Variants in SEC24C observed in about 807,000 individuals in gnomAD.
SEC24C encodes the protein protein transport protein Sec24C.
A neutral mutation model predicts 117.0 loss-of-function variants in SEC24C; 22 were observed. The ratio of observed to expected loss-of-function variants is 0.19; its 90% confidence interval spans 0.13 to 0.27. SEC24C has a LOEUF of 0.27. Ranked by LOEUF, SEC24C falls within the 10% of genes least tolerant of loss-of-function variation. The pLI, the probability that SEC24C is intolerant of heterozygous loss-of-function variation, is 1.00. For synonymous variants in SEC24C, 506 were observed against 529.4 expected, an observed-to-expected ratio of 0.96 and a Z score of 0.61; for missense variants, 1,155 against 1,375.1, an observed-to-expected ratio of 0.84 and a Z score of 2.53.
At chr10:73,768,354 G>A (rs887755885) in intron 15 of SEC24C, among the ~76,000 whole-genome samples, 3 of 152,212 alleles carry the variant, frequency 2.0e-5, no homozygotes, top group African/African-American at 7.2e-5. Context: ...TCCAGCCAGA[G>A]CGACAGAGTA....
chr10:73,761,979 G>T, intron 6 of SEC24C: 1 of 582,130 alleles, frequency 1.7e-6, no homozygotes, highest in East Asian at 6.8e-5. Flanking sequence ...AGCAATATGA[G>T]CTGGGCTCCA....
chr10:73,745,526 C>G (rs2082533444), intron 1 of SEC24C, among the ~76,000 whole-genome samples: 2 of 149,480 alleles, frequency 1.3e-5, no homozygotes, highest in Non-Finnish European at 3.0e-5. Flanking sequence ...AATCTGTTAC[C>G]TTGCTAGAGT....
rs2082980741 is a variant in SEC24C, at chr10:73,771,416, G to C, written c.*321G>C. 2 of 287,670 alleles carry C rather than the reference G, an allele frequency of 7.0e-6. No individual in the cohort carries two copies. The highest frequency in any genetic ancestry group is 1.3e-5 in the Non-Finnish European group (2 of 150,298). 17.8% of individuals were successfully genotyped at this position (287,670 alleles called of 1,614,324 possible). The stretch of plus-strand genomic sequence containing the variant: ...CACCCAGACCCTGGCAATATTATGT[G>C]TCCCTTTGGACCAGTCTCCCAAGAG... On this transcript the variant is annotated 3_prime_UTR_variant, in exon 23 of 23. Transcript: ENST00000345254.
At position 73,746,862 on chromosome 10, in the gene SEC24C, G is replaced by A. The variant is rs2082561568; in HGVS notation, c.30G>A (p.Val10=). The change falls in exon 2 of 23, where the codon GTG becomes GTA. Residue 10 remains valine, a synonymous_variant. Coordinates refer to ENST00000345254, the MANE Select transcript of SEC24C (RefSeq NM_198597.3). The stretch of plus-strand genomic sequence containing the variant: ...ACGTCAACCAGTCAGTTCCACCTGT[G>A]CCACCATTTGGGCAGCCCCAGCCCA... MNVNQSVPP[V]PPFGQPQPIY... 2.5e-6 allele frequency: 4 copies of A among 1,611,904 alleles called. No individual in the cohort carries two copies. The East Asian group carries it at 8.9e-5, about 36-fold the overall frequency.
intron 20 of SEC24C, 55 bp downstream of exon 20, chr10:73,770,070 A>G (rs1316606710): frequency 1.3e-6 from 2 of 1,521,236 alleles, no homozygotes; most frequent in Admixed American, 1.7e-5. Context: ...GCCTCTTAGG[A>G]GGAGGAAAGG....
At chr10:73,747,150 C>A in intron 2 of SEC24C, 146 bp downstream of exon 2, 1 of 613,828 alleles carries the variant, frequency 1.6e-6, no homozygotes, top group Non-Finnish European at 2.5e-6. Flanking sequence ...TAGCTGAGAG[C>A]CCCGTGGGCG....
chr10:73,747,387 C>CAAAA (rs2082572253), intron 2 of SEC24C, among the ~76,000 whole-genome samples: 1 of 151,948 alleles, frequency 6.6e-6, no homozygotes. Context: ...GATAGAGTCT[C>CAAAA]TCTCTGTCGC....
In SEC24C at chr10:73,769,926, A is replaced by T; in HGVS notation, c.2773A>T (p.Thr925Ser). The T allele has an allele frequency of 6.2e-7, 1 of 1,614,160 alleles. No homozygotes were observed. The highest frequency in any genetic ancestry group is 1.1e-5 in the South Asian group (1 of 91,084). Residue 925 changes from threonine to serine, a missense_variant, in exon 20 of 23, where the codon ACT becomes TCT. Coordinates refer to ENST00000345254, the MANE Select transcript of SEC24C (RefSeq NM_198597.3). The surrounding 1 kb of genome is among the most constrained non-coding windows in gnomAD (Gnocchi z 4.5). Reference protein sequence around the residue: ...DVLQPGAEVTTDDRAYVRQLV... With the variant: ...DVLQPGAEVTSDDRAYVRQLV... ...CCTGCAGCCTGGAGCTGAAGTCACT[A>T]CTGATGACCGTGCCTATGTCCGACA...
intron 8 of SEC24C, 94 bp downstream of exon 8, chr10:73,764,077 G>T: frequency 6.9e-7 from 1 of 1,443,436 alleles, no homozygotes; most frequent in Non-Finnish European, 9.2e-7. Flanking sequence ...CTTCACAATG[G>T]AAGATATTTT....
rs1427846425 is a variant in SEC24C, at chr10:73,760,794, G to GGCCTCCTCAGCCACT, written c.940_954dup (p.Gln314_Pro318dup). 1.9e-6 allele frequency: 3 copies of GGCCTCCTCAGCCACT among 1,613,948 alleles called. No individual in the cohort carries two copies. Among genetic ancestry groups the GGCCTCCTCAGCCACT allele is most frequent in the African/African-American group, 1.3e-5 (1 of 74,880 alleles). On this transcript the variant is annotated inframe_insertion, in exon 6 of 23. Coordinates refer to ENST00000345254, the MANE Select transcript of SEC24C (RefSeq NM_198597.3). ...GCACCCACCTTTGGCAGTCAGCCTG[G>GGCCTCCTCAGCCACT]GCCTCCTCAGCCACTGCCTCCTAAG...
rs940205137 is a variant in SEC24C at position 73,769,310 on chromosome 10, G to A, written c.2425-37G>A. The stretch of plus-strand genomic sequence containing the variant: ...TAGTGTAGCAAAGGGCCTTTGTGAG[G>A]GAGGGGTGTGAGTTCCCCCTTTCTC... On this transcript the variant is annotated intron_variant, in intron 17 of 22. Transcript: ENST00000345254. This position sits in a 1 kb window ranked among gnomAD's most constrained non-coding sequence, Gnocchi z 4.5. 12 of 1,610,406 alleles carry A rather than the reference G, an allele frequency of 7.5e-6. No individual in the cohort carries two copies. In the East Asian group the frequency reaches 2.5e-4, roughly 33 times the overall value.
chr10:73,768,697 GTTA>G, intron 15 of SEC24C, 110 bp from the exon 16 acceptor site: 11 of 903,864 alleles, frequency 1.2e-5, no homozygotes, highest in Non-Finnish European at 1.6e-5. Context: ...CATCCTCACT[GTTA>G]TGATGATGAT....
chr10:73,748,067 T>TA lies in SEC24C; in HGVS notation c.172+1063_172+1064insA, dbSNP rs557031695. Among the ~76,000 whole-genome samples the TA allele has an allele frequency of 2.4e-3, 372 of 152,326 alleles. 1 individual carries two copies. The highest frequency in any genetic ancestry group is 0.014 in the South Asian group (67 of 4,826). On this transcript the variant is annotated intron_variant, in intron 2 of 22. Transcript: ENST00000345254. Reference sequence around the variant, plus strand: ...GCCTTGGCCTCCCAAAATGCTGGGATTACAGGCTTCAGCCACCACGCCCGG... The same window carrying TA: ...GCCTTGGCCTCCCAAAATGCTGGGATATACAGGCTTCAGCCACCACGCCCGG...
intron 14 of SEC24C, 30 bp from the exon 15 acceptor site, chr10:73,767,806 AT>A: frequency 6.4e-7 from 1 of 1,552,842 alleles, no homozygotes; most frequent in Middle Eastern, 1.7e-4. Flanking sequence ...ATATTTGAAC[AT>A]TTTCTTCTCC....
At position 73,759,634 on chromosome 10, in the gene SEC24C, T is replaced by C; in HGVS notation, c.321T>C (p.Ser107=). ...TTTCTTTTCACAGGCTGCCTGGGTC[T>C]CAGCCATTTGGGTCCCCATTGGCCC... ...STVQMQRLPG[S]QPFGSPLAPV... Residue 107 remains serine (S), a synonymous_variant, in exon 4 of 23, where the codon TCT becomes TCC. Coordinates refer to ENST00000345254, the MANE Select transcript of SEC24C (RefSeq NM_198597.3). 1 of 1,529,098 alleles carries C rather than the reference T, an allele frequency of 6.5e-7. No individual in the cohort carries two copies. Among genetic ancestry groups the C allele is most frequent in the Non-Finnish European group, 8.8e-7 (1 of 1,139,678 alleles). 94.7% of individuals were successfully genotyped at this position (1,529,098 alleles called of 1,614,324 possible).
chr10:73,765,387 C>T (rs1035914371), intron 8 of SEC24C, 64 bp from the exon 9 acceptor site: 7 of 1,569,866 alleles, frequency 4.5e-6, no homozygotes, highest in Middle Eastern at 2.1e-4. Flanking sequence ...TGTTCTTCCT[C>T]ATCTCCTGGC....
chr10:73,749,441 G>C (rs2082611024), intron 2 of SEC24C, among the ~76,000 whole-genome samples: 1 of 151,822 alleles, frequency 6.6e-6, no homozygotes, highest in South Asian at 2.1e-4. Context: ...AGTTTCCTCT[G>C]CTTCTTAGAT....
intron 3 of SEC24C, chr10:73,751,595 A>C (rs2082643562): frequency 6.5e-6 from 1 of 153,746 alleles, no homozygotes; most frequent in African/African-American, 2.4e-5. Context: ...TGATGAAAGT[A>C]GAAAGGTTAG....
At chr10:73,754,210 T>A (rs2082680068) in intron 3 of SEC24C, among the ~76,000 whole-genome samples, 1 of 151,934 alleles carries the variant, frequency 6.6e-6, no homozygotes, top group African/African-American at 2.4e-5. Flanking sequence ...AGGTAAGGAG[T>A]TTGAGACCAG....
Sources: allele counts gnomAD v4.1 joint callset (sites outside exome capture counted in the v4.1 genomes callset), GRCh38; gene constraint gnomAD v4.1.1; non-coding constraint Gnocchi (gnomAD v3.1); transcripts MANE v1.5; gene names NCBI Gene and HGNC (gene_info 2026-07-23, HGNC 2026-07-21).